Variants in GPSM2 observed in about 807,000 individuals in gnomAD.
GPSM2 encodes the protein G protein signaling modulator 2.
GPSM2 carries 58 observed loss-of-function variants against 78.4 expected under a neutral mutation model. The observed-to-expected ratio is 0.74, with a 90% CI of 0.60 to 0.92. The LOEUF (loss-of-function observed/expected upper bound fraction) is 0.92. Ranked by LOEUF, GPSM2 falls within the 40% of genes least tolerant of loss-of-function variation. GPSM2 has a pLI of 0.00. For synonymous variants in GPSM2, 224 were observed against 280.2 expected, an observed-to-expected ratio of 0.80 and a Z score of 2.00; for missense variants, 700 against 815.5, an observed-to-expected ratio of 0.86 and a Z score of 1.73.
At chr1:108,907,363 TAG>T (rs1218881525) in intron 10 of GPSM2, among the ~76,000 whole-genome samples, 2 of 152,188 alleles carry the variant, frequency 1.3e-5, no homozygotes, top group Non-Finnish European at 2.9e-5. Context: ...ACTTTTGGGT[TAG>T]AGGTGTTCCT....
At chr1:108,913,067 T>C (rs934468935) in intron 10 of GPSM2, among the ~76,000 whole-genome samples, 1 of 152,060 alleles carries the variant, frequency 6.6e-6, no homozygotes, top group Non-Finnish European at 1.5e-5. Flanking sequence ...TGATGCAGGG[T>C]AATGGAAACT....
intron 12 of GPSM2, among the ~76,000 whole-genome samples, 153 bp from the exon 13 acceptor site, chr1:108,922,264 A>G (rs888878309): frequency 6.6e-6 from 1 of 152,218 alleles, no homozygotes; most frequent in Non-Finnish European, 1.5e-5. Context: ...ACATTTTATT[A>G]CCAATATTTG....
intron 8 of GPSM2, 40 bp from the exon 9 acceptor site, chr1:108,903,086 T>A (rs1049606881): frequency 1.6e-6 from 2 of 1,251,632 alleles, no homozygotes; most frequent in Non-Finnish European, 2.4e-6. Flanking sequence ...ATAGGACCTC[T>A]TTTCAAATAA....
chr1:108,921,897 A>G (rs892287310), intron 12 of GPSM2, among the ~76,000 whole-genome samples: 3 of 152,214 alleles, frequency 2.0e-5, no homozygotes, highest in African/African-American at 7.2e-5. Context: ...CATTATATTC[A>G]TCATTTCAGT....
chr1:108,913,813 T>C (rs1253896793), intron 10 of GPSM2, among the ~76,000 whole-genome samples: 2 of 152,212 alleles, frequency 1.3e-5, no homozygotes, highest in Non-Finnish European at 2.9e-5. Context: ...TTAATAACTT[T>C]ATTGAAAAAA....
At chr1:108,914,270 G>A in intron 10 of GPSM2, 68 bp from the exon 11 acceptor site, 1 of 1,015,290 alleles carries the variant, frequency 9.8e-7, no homozygotes, top group Non-Finnish European at 1.6e-6. Context: ...ACTGAATAAT[G>A]TAATGATGCT....
Position 108,918,736 on chromosome 1 carries a change from G to A in GPSM2, c.1387G>A (p.Val463Ile), listed in dbSNP as rs1290437050. ...KKYKTNSSTKVLQDASNSIDH... is the reference protein window; with the variant it reads ...KKYKTNSSTKILQDASNSIDH... Reference sequence around the variant, plus strand: ...ATACAAAACGAATTCCTCCACTAAAGTTCTCCAAGATGCCAGTAATTCTAT... The same window carrying A: ...ATACAAAACGAATTCCTCCACTAAAATTCTCCAAGATGCCAGTAATTCTAT... The change falls in exon 12 of 15, where the codon GTT becomes ATT. Residue 463 changes from valine (V) to isoleucine (I), a missense_variant. Physicochemically the swap from Val to Ile is conservative, Grantham distance 29. Coordinates refer to ENST00000264126, the MANE Select transcript of GPSM2 (RefSeq NM_013296.5). 1.2e-6 allele frequency: 2 copies of A among 1,613,690 alleles called. No homozygotes were observed. The highest frequency in any genetic ancestry group is 2.2e-5 in the South Asian group (2 of 91,074).
Position 108,934,459 on chromosome 1 carries a change from A to G in GPSM2, c.*4519A>G. 5.6e-6 allele frequency: 3 copies of G among 537,560 alleles called. No homozygotes were observed. The highest frequency in any genetic ancestry group is 9.6e-6 in the Non-Finnish European group (3 of 312,102). The allele number at this position is 537,560 out of a possible 1,614,324, so 33.3% of individuals were successfully genotyped here. On this transcript the variant is annotated 3_prime_UTR_variant, in exon 15 of 15. Coordinates refer to ENST00000264126, the MANE Select transcript of GPSM2 (RefSeq NM_013296.5). ...CTTACTTTATGGGATGTAAATATCAAAGAGAAGATGAAATGAAAAGCTTTT... is the reference window on the plus strand; with the variant it reads ...CTTACTTTATGGGATGTAAATATCAGAGAGAAGATGAAATGAAAAGCTTTT...
At chr1:108,883,583 T>C (rs1284325151) in intron 1 of GPSM2, among the ~76,000 whole-genome samples, 1 of 152,222 alleles carries the variant, frequency 6.6e-6, no homozygotes, top group African/African-American at 2.4e-5. Flanking sequence ...TTTATGATTG[T>C]ATATCTACCA....
At chr1:108,913,695 GTGTT>G (rs1211964934) in intron 10 of GPSM2, among the ~76,000 whole-genome samples, 3 of 152,164 alleles carry the variant, frequency 2.0e-5, no homozygotes, top group East Asian at 1.9e-4. Context: ...GGAGTTTAAT[GTGTT>G]TGTAATGTTT....
chr1:108,924,140 G>A lies in GPSM2; in HGVS notation c.1741G>A (p.Val581Ile). 1 of 1,613,892 alleles carries A rather than the reference G, an allele frequency of 6.2e-7. No homozygotes were observed. The highest frequency in any genetic ancestry group is 8.5e-7 in the Non-Finnish European group (1 of 1,179,816). Residue 581 changes from valine to isoleucine, a missense_variant, in exon 14 of 15, where the codon GTA becomes ATA. By Grantham distance (29) the Val-to-Ile change is conservative. Transcript: ENST00000264126. ...GLRLTQNSQS[V>I]LSHLMTNDNK... ...TCGTCTAACACAAAACAGCCAGTCG[G>A]TACTTAGCCACCTGATGACTAATGA...
Position 108,925,131 on chromosome 1 carries a change from C to T in GPSM2, c.1815+917C>T, listed in dbSNP as rs532775863. On this transcript the variant is annotated intron_variant, in intron 14 of 14. Coordinates refer to ENST00000264126, the MANE Select transcript of GPSM2 (RefSeq NM_013296.5). Reference sequence around the variant, plus strand: ...TTCAGGGAAAGAGAATCAAGGATGACTTATACCTTGAATAACTGGGAAATG... The same window carrying T: ...TTCAGGGAAAGAGAATCAAGGATGATTTATACCTTGAATAACTGGGAAATG... Among the ~76,000 whole-genome samples, 4 of 152,216 alleles carry T rather than the reference C, an allele frequency of 2.6e-5. No homozygotes were observed. In the South Asian group the frequency reaches 6.2e-4, roughly 24 times the overall value.
intron 2 of GPSM2, among the ~76,000 whole-genome samples, chr1:108,894,316 A>C (rs1309796432): frequency 1.3e-5 from 2 of 152,202 alleles, no homozygotes; most frequent in Non-Finnish European, 2.9e-5. Flanking sequence ...TGTATTTTAG[A>C]TCTTCTCTCC....
In GPSM2 at chr1:108,932,875, T is replaced by G. The variant is rs557664898; in HGVS notation, c.*2935T>G. ...GTTTCTGATGAAATTCTAAAGATGT[T>G]TGCAATATTAAACTAGAATATATTA... On this transcript the variant is annotated 3_prime_UTR_variant, in exon 15 of 15. Coordinates refer to ENST00000264126, the MANE Select transcript of GPSM2 (RefSeq NM_013296.5). 1.3e-5 allele frequency: 2 copies of G among 152,254 alleles called. No individual in the cohort carries two copies. The highest frequency in any genetic ancestry group is 2.9e-5 in the Non-Finnish European group (2 of 68,044). The allele number at this position is 152,254 out of a possible 1,614,324, so 9.4% of individuals were successfully genotyped here.
At chr1:108,908,740 C>CACACACACA (rs1553213496) in intron 10 of GPSM2, among the ~76,000 whole-genome samples, 1 of 151,950 alleles carries the variant, frequency 6.6e-6, no homozygotes, top group African/African-American at 2.4e-5. Flanking sequence ...CACACACACG[C>CACACACACA]CGGGGCAGTG....
chr1:108,885,675 A>G, intron 2 of GPSM2, 97 bp downstream of exon 2: 1 of 794,852 alleles, frequency 1.3e-6, no homozygotes, highest in South Asian at 1.4e-5. Context: ...AAAATACTCA[A>G]ATATACCAGC....
At chr1:108,921,915 C>T (rs747308129) in intron 12 of GPSM2, among the ~76,000 whole-genome samples, 7 of 152,058 alleles carry the variant, frequency 4.6e-5, no homozygotes, top group Non-Finnish European at 8.8e-5. Flanking sequence ...AGTTTTGAAG[C>T]CTTCCAAATG....
rs1009614473 is a variant in GPSM2 at position 108,931,372 on chromosome 1, A to G, written c.*1432A>G. 1.7e-5 allele frequency: 27 copies of G among 1,551,162 alleles called. No homozygotes were observed. In the African/African-American group the frequency reaches 2.7e-4, roughly 16 times the overall value. ...AGTAACTAACTAACTGTAGCAAAAG[A>G]CAAGTATGGGACAGACTGGGACCTG... On this transcript the variant is annotated 3_prime_UTR_variant, in exon 15 of 15. Coordinates refer to ENST00000264126, the MANE Select transcript of GPSM2 (RefSeq NM_013296.5).
intron 2 of GPSM2, 65 bp downstream of exon 2, chr1:108,885,643 T>C (rs1372148444): frequency 2.1e-6 from 2 of 938,618 alleles, no homozygotes; most frequent in Non-Finnish European, 3.5e-6. Context: ...TTAACTCTGA[T>C]GACCATTTCA....
Sources: allele counts gnomAD v4.1 joint callset (sites outside exome capture counted in the v4.1 genomes callset), GRCh38; gene constraint gnomAD v4.1.1; transcripts MANE v1.5; gene names NCBI Gene and HGNC (gene_info 2026-07-23, HGNC 2026-07-21).